Variants in DST observed in about 807,000 individuals in gnomAD.
DST encodes the protein bullous pemphigoid antigen.
DST carries 253 observed loss-of-function variants against 875.2 expected under a neutral mutation model. The observed-to-expected ratio is 0.29, with a 90% CI of 0.26 to 0.32. DST has a LOEUF of 0.32. DST is among the 10% of genes least tolerant of loss of function. The pLI is 1.00. For missense variants in DST, 8,287 were observed against 9,111.6 expected (o/e 0.91, Z 3.68); for synonymous variants, 3,124 against 3,197.1 (o/e 0.98, Z 0.77).
At chr6:56,798,735 A>G (rs1412699400) in intron 4 of DST, among the ~76,000 whole-genome samples, 1 of 152,226 alleles carries the variant, frequency 6.6e-6, no homozygotes, top group Admixed American at 6.5e-5. Flanking sequence ...AATTCAATTG[A>G]AAATATTCTG....
intron 92 of DST, among the ~76,000 whole-genome samples, chr6:56,474,918 C>CTT (rs2095094152): frequency 7.9e-6 from 1 of 127,270 alleles, no homozygotes. Context: ...ACGACTGTGC[C>CTT]ATTGCATTCC....
At chr6:56,785,748 C>G (rs2099703997) in intron 4 of DST, 2 of 155,636 alleles carry the variant, frequency 1.3e-5, no homozygotes, top group African/African-American at 4.8e-5. Flanking sequence ...GTCTGACACT[C>G]CCTAGTGAGA....
At chr6:56,718,034 C>T (rs188300110) in intron 5 of DST, among the ~76,000 whole-genome samples, 39 of 152,116 alleles carry the variant, frequency 2.6e-4, no homozygotes, top group Non-Finnish European at 4.9e-4. Context: ...TTGTTTGAGA[C>T]GAGTTTGAGA....
intron 24 of DST, 41 bp downstream of exon 24, chr6:56,635,548 C>T (rs1353758205): frequency 1.2e-6 from 2 of 1,605,278 alleles, no homozygotes; most frequent in South Asian, 1.1e-5. Context: ...AATCTAATCA[C>T]TTATGCATAC....
intron 50 of DST, among the ~76,000 whole-genome samples, chr6:56,577,551 A>G (rs2097892045): frequency 6.6e-6 from 1 of 152,204 alleles, no homozygotes; most frequent in Admixed American, 6.5e-5. Context: ...GGTACATAAT[A>G]AAAAACATCT....
intron 48 of DST, 143 bp from the exon 49 acceptor site, chr6:56,592,501 G>T (rs2098296237): frequency 6.9e-6 from 5 of 722,666 alleles, no homozygotes; most frequent in Non-Finnish European, 4.4e-6. Flanking sequence ...GTTGGGCTAA[G>T]ATTTCCTCCT....
chr6:56,895,004 G>A (rs1274467298), intron 3 of DST, among the ~76,000 whole-genome samples: 1 of 109,308 alleles, frequency 9.1e-6, no homozygotes, highest in Non-Finnish European at 1.8e-5. Context: ...CCTCCCTCCC[G>A]GACTGGGCGG....
intron 3 of DST, among the ~76,000 whole-genome samples, chr6:56,875,280 C>T (rs996611315): frequency 3.3e-5 from 5 of 152,114 alleles, no homozygotes; most frequent in African/African-American, 9.7e-5. Flanking sequence ...CACCATGCCC[C>T]GCCTGCCAGA....
chr6:56,582,475 G>A (rs2098025445), intron 49 of DST, among the ~76,000 whole-genome samples: 1 of 151,394 alleles, frequency 6.6e-6, no homozygotes, highest in African/African-American at 2.4e-5. Flanking sequence ...TGCACCATGA[G>A]TAAAAGTTCC....
At chr6:56,768,701 T>C (rs935006802) in intron 4 of DST, among the ~76,000 whole-genome samples, 2 of 152,102 alleles carry the variant, frequency 1.3e-5, no homozygotes, top group Non-Finnish European at 2.9e-5. Context: ...TTGGATTCAT[T>C]AAAATTAAAA....
Position 56,851,427 on chromosome 6 carries a change from G to C in DST, c.595C>G (p.Pro199Ala). The C allele has an allele frequency of 3.7e-6, 6 of 1,613,566 alleles. No homozygotes were observed. Among genetic ancestry groups the C allele is most frequent in the Non-Finnish European group, 5.1e-6 (6 of 1,179,880 alleles). ...ATCCGAAGCACTGCCCTCTCGGCAG[G>C]GTCCAGCACTGAGCCCCCTTGAATC... Reference protein sequence around the residue: ...RKIQGGSVLDPAERAVLRIAD... With the variant: ...RKIQGGSVLDAAERAVLRIAD... The change falls in exon 4 of 104, where the codon CCT becomes GCT. Residue 199 changes from proline to alanine, a missense_variant. Transcript: ENST00000680361.
chr6:56,754,330 T>C (rs2099596387), intron 4 of DST, among the ~76,000 whole-genome samples: 1 of 152,228 alleles, frequency 6.6e-6, no homozygotes, highest in Non-Finnish European at 1.5e-5. Flanking sequence ...TGTCTGAATT[T>C]ATACAATTTT....
intron 34 of DST, 89 bp from the exon 35 acceptor site, chr6:56,625,353 T>C (rs1586987677): frequency 2.4e-6 from 2 of 831,612 alleles, no homozygotes; most frequent in East Asian, 2.5e-5. Flanking sequence ...AATTAGAACC[T>C]AGATTCACTA....
intron 2 of DST, 29 bp from the exon 3 acceptor site, chr6:56,900,650 C>A: frequency 7.4e-7 from 1 of 1,360,210 alleles, no homozygotes; most frequent in Non-Finnish European, 9.8e-7. Flanking sequence ...CCAAGCAAAT[C>A]CAGATTTGTA....
chr6:56,750,373 A>C (rs549253000), intron 4 of DST, among the ~76,000 whole-genome samples: 1 of 152,278 alleles, frequency 6.6e-6, no homozygotes, highest in African/African-American at 2.4e-5. Flanking sequence ...CTTTATAGTG[A>C]ACTCTTGCCT....
intron 3 of DST, chr6:56,851,897 C>T: frequency 6.5e-7 from 1 of 1,548,138 alleles, no homozygotes. Context: ...CACCAGCTCA[C>T]AAATGACTGG....
At position 56,752,979 on chromosome 6, in the gene DST, C is replaced by T. The variant is rs553673550; in HGVS notation, c.626-17690G>A. Among the ~76,000 whole-genome samples, 21 of 151,988 alleles carry T rather than the reference C, an allele frequency of 1.4e-4. No homozygotes were observed. In the South Asian group the frequency reaches 3.1e-3, roughly 23 times the overall value. ...GCTAATTTTGTATTTTTAGTAGAGA[C>T]GGGGTTTCTCCATGTTGGTCAGGCT... On this transcript the variant is annotated intron_variant, in intron 4 of 103. Coordinates refer to ENST00000680361, the MANE Select transcript of DST (RefSeq NM_001374736.1).
chr6:56,747,111 T>A (rs188488346), intron 4 of DST, among the ~76,000 whole-genome samples: 119 of 152,326 alleles, frequency 7.8e-4, no homozygotes, highest in Admixed American at 5.6e-3. Context: ...TCAGAAATTA[T>A]ACTGCGTGAA....
At chr6:56,516,761 T>C (rs566809227) in intron 71 of DST, among the ~76,000 whole-genome samples, 1 of 152,304 alleles carries the variant, frequency 6.6e-6, no homozygotes, top group Non-Finnish European at 1.5e-5. Context: ...TTTCCCTATA[T>C]AGCTTACTGT....
Sources: allele counts gnomAD v4.1 joint callset (sites outside exome capture counted in the v4.1 genomes callset), GRCh38; gene constraint gnomAD v4.1.1; transcripts MANE v1.5; gene names NCBI Gene and HGNC (gene_info 2026-07-23, HGNC 2026-07-21).